Variants in CCBE1 observed in about 807,000 individuals in gnomAD.
The protein encoded by CCBE1 is collagen and calcium-binding EGF domain-containing protein 1.
CCBE1 carries 37 observed loss-of-function variants against 50.0 expected under a neutral mutation model. That is an observed-to-expected ratio of 0.74 (90% CI 0.57 to 0.97). CCBE1 has a LOEUF of 0.97. CCBE1 is among the 50% of genes least tolerant of loss of function. CCBE1 has a pLI of 0.00. For missense variants in CCBE1, 538 were observed against 523.8 expected (o/e 1.03, Z -0.26); for synonymous variants, 234 against 203.7 (o/e 1.15, Z -1.27).
chr18:59,539,016 A>G (rs1329563029), intron 2 of CCBE1, among the ~76,000 whole-genome samples: 2 of 151,942 alleles, frequency 1.3e-5, no homozygotes, highest in Non-Finnish European at 2.9e-5. Context: ...CATCTCTAGA[A>G]AAGTAAAAAA....
chr18:59,585,465 G>A (rs1017632362), intron 2 of CCBE1, among the ~76,000 whole-genome samples: 1 of 151,922 alleles, frequency 6.6e-6, no homozygotes, highest in Admixed American at 6.6e-5. Context: ...TCAAGCTCAA[G>A]GTTTCACATG....
At chr18:59,625,985 A>T (rs1287210698) in intron 2 of CCBE1, among the ~76,000 whole-genome samples, 2 of 152,190 alleles carry the variant, frequency 1.3e-5, no homozygotes, top group African/African-American at 4.8e-5. Flanking sequence ...CTCTTTTACT[A>T]TATTTTTAAA....
At chr18:59,582,176 A>G (rs987944156) in intron 2 of CCBE1, among the ~76,000 whole-genome samples, 3 of 152,036 alleles carry the variant, frequency 2.0e-5, no homozygotes, top group Non-Finnish European at 2.9e-5. Context: ...AATCCTACCC[A>G]TTGTTTAAGG....
At chr18:59,474,220 T>A (rs991316025) in intron 3 of CCBE1, among the ~76,000 whole-genome samples, 2 of 152,222 alleles carry the variant, frequency 1.3e-5, no homozygotes, top group African/African-American at 4.8e-5. Context: ...GTCTTTTTGG[T>A]GTAATGATCT....
At chr18:59,696,860 A>G in intron 1 of CCBE1, 151 bp from the exon 2 acceptor site, 1 of 868,204 alleles carries the variant, frequency 1.2e-6, no homozygotes, top group Non-Finnish European at 1.9e-6. Context: ...TACGCGGGGC[A>G]GACTCCGGCC....
At chr18:59,563,849 T>A (rs2052778455) in intron 2 of CCBE1, 1 of 152,136 alleles carries the variant, frequency 6.6e-6, no homozygotes, top group South Asian at 2.1e-4. Flanking sequence ...GGAAACAGCA[T>A]TGGCTGGGCA....
intron 2 of CCBE1, among the ~76,000 whole-genome samples, chr18:59,518,357 C>T (rs184138031): frequency 2.9e-4 from 44 of 152,208 alleles, no homozygotes; most frequent in African/African-American, 9.4e-4. Flanking sequence ...GGTGTGACGA[C>T]GCACGTGCCT....
chr18:59,464,218 T>C (rs1911634237), intron 5 of CCBE1, among the ~76,000 whole-genome samples: 2 of 152,178 alleles, frequency 1.3e-5, no homozygotes, highest in Admixed American at 1.3e-4. Flanking sequence ...GCGGATCACC[T>C]GAGGTCAAGG....
intron 2 of CCBE1, among the ~76,000 whole-genome samples, chr18:59,574,376 T>C (rs2052960239): frequency 6.6e-6 from 1 of 152,222 alleles, no homozygotes; most frequent in African/African-American, 2.4e-5. Flanking sequence ...TAAAACATCT[T>C]ACTTAATAAG....
At chr18:59,473,136 T>C (rs1313840961) in intron 3 of CCBE1, among the ~76,000 whole-genome samples, 2 of 152,216 alleles carry the variant, frequency 1.3e-5, no homozygotes, top group Admixed American at 6.5e-5. Flanking sequence ...GTGGAGAATA[T>C]TCTCCATTGG....
At chr18:59,519,243 T>G (rs981150145) in intron 2 of CCBE1, among the ~76,000 whole-genome samples, 1 of 152,228 alleles carries the variant, frequency 6.6e-6, no homozygotes, top group South Asian at 2.1e-4. Context: ...CCCTCCACCT[T>G]TTTAGCCCAC....
At chr18:59,449,514 T>G (rs917766192) in intron 6 of CCBE1, among the ~76,000 whole-genome samples, 55 of 151,472 alleles carry the variant, frequency 3.6e-4, no homozygotes, top group African/African-American at 1.3e-3. Context: ...CCCGGCTACT[T>G]GGGAGGCTAA....
intron 5 of CCBE1, chr18:59,465,071 G>C (rs1911677609): frequency 6.6e-6 from 1 of 152,216 alleles, no homozygotes; most frequent in Non-Finnish European, 1.5e-5. Flanking sequence ...CCAGCCTCAG[G>C]CCCTCTAAGT....
rs560085392 is a variant in CCBE1, at chr18:59,566,489, C to T, written c.213-86251G>A. On this transcript the variant is annotated intron_variant, in intron 2 of 10. Transcript: ENST00000439986. ...ACCTAAGATGATGGAAGTACCATGA[C>T]ATGAAACAACTGTAACTTTAAATCG... Among the ~76,000 whole-genome samples the T allele has an allele frequency of 8.5e-4, 129 of 152,208 alleles. 1 individual carries two copies. In the Middle Eastern group the frequency reaches 0.02, roughly 24 times the overall value.
chr18:59,690,003 T>C (rs1473702463), intron 2 of CCBE1, among the ~76,000 whole-genome samples: 1 of 152,086 alleles, frequency 6.6e-6, no homozygotes, highest in Non-Finnish European at 1.5e-5. Flanking sequence ...ATTAATCAAA[T>C]GTATGTCCAA....
At chr18:59,484,188 C>A (rs1020449526) in intron 2 of CCBE1, among the ~76,000 whole-genome samples, 1 of 152,132 alleles carries the variant, frequency 6.6e-6, no homozygotes, top group Non-Finnish European at 1.5e-5. Flanking sequence ...TAAAATTTTA[C>A]GGTTATTCCT....
chr18:59,487,020 T>A (rs1468652449), intron 2 of CCBE1, among the ~76,000 whole-genome samples: 1 of 151,106 alleles, frequency 6.6e-6, no homozygotes, highest in Non-Finnish European at 1.5e-5. Flanking sequence ...TAGTAGATAA[T>A]CCTGGTCAGG....
At chr18:59,440,838 T>C (rs1910388271) in intron 7 of CCBE1, among the ~76,000 whole-genome samples, 1 of 152,156 alleles carries the variant, frequency 6.6e-6, no homozygotes, top group African/African-American at 2.4e-5. Flanking sequence ...GCCCCACAAC[T>C]CTAGCATGGA....
intron 2 of CCBE1, among the ~76,000 whole-genome samples, chr18:59,569,076 C>G (rs1364315830): frequency 3.9e-5 from 6 of 152,192 alleles, no homozygotes; most frequent in Admixed American, 2.6e-4. Context: ...CGGGTTATCT[C>G]CAAACGATGT....
Sources: allele counts gnomAD v4.1 joint callset (sites outside exome capture counted in the v4.1 genomes callset), GRCh38; gene constraint gnomAD v4.1.1; transcripts MANE v1.5; gene names NCBI Gene and HGNC (gene_info 2026-07-23, HGNC 2026-07-21).